The following CARD8 variants were observed in gnomAD, a reference collection of about 807,000 sequenced individuals.
CARD8 encodes the protein caspase recruitment domain-containing protein 8.
Under a neutral mutation model 53.2 loss-of-function variants are expected in CARD8, and 38 were observed. The ratio of observed to expected loss-of-function variants is 0.71; its 90% CI spans 0.55 to 0.94. The LOEUF (loss-of-function observed/expected upper bound fraction) is 0.94. Ranked by LOEUF, CARD8 falls within the 40% of genes least tolerant of loss-of-function variation. The pLI is 0.00. For missense variants in CARD8, 561 were observed against 655.5 expected, an observed-to-expected ratio of 0.86 and a Z score of 1.57; for synonymous variants, 245 against 244.9, an observed-to-expected ratio of 1.00 and a Z score of 0.00.
intron 1 of CARD8, among the ~76,000 whole-genome samples, chr19:48,254,906 T>C (rs2047405938): frequency 6.6e-6 from 1 of 152,200 alleles, no homozygotes; most frequent in Non-Finnish European, 1.5e-5. Flanking sequence ...CAACTGCTGG[T>C]CCAACCTAGG....
chr19:48,234,366 G>A, intron 6 of CARD8, 37 bp downstream of exon 6: 1 of 1,580,112 alleles, frequency 6.3e-7, no homozygotes, highest in Non-Finnish European at 8.6e-7. Flanking sequence ...TTGAGACACA[G>A]CGTCCAATAG....
At position 48,230,795 on chromosome 19, in the gene CARD8, G is replaced by T. The variant is rs764067338; in HGVS notation, c.754C>A (p.His252Asn). The change falls in exon 9 of 14, where the codon CAC (histidine) becomes AAC (asparagine). Residue 252 changes from histidine (H) to asparagine (N), a missense_variant. Transcript: ENST00000651546. ...EEAVAEIHLPHFISLQAGEVD... is the reference protein window; with the variant it reads ...EEAVAEIHLPNFISLQAGEVD... Reference sequence around the variant, plus strand: ...ACATTACCTTGGAGGGAGATGAAGTGGGGGAGGTGGATTTCGGCGACAGCC... The same window carrying T: ...ACATTACCTTGGAGGGAGATGAAGTTGGGGAGGTGGATTTCGGCGACAGCC... 57 of 1,613,866 alleles carry T rather than the reference G, an allele frequency of 3.5e-5. No homozygotes were observed. Among genetic ancestry groups the T allele is most frequent in the South Asian group, 2.6e-4 (24 of 91,064 alleles).
intron 10 of CARD8, 34 bp from the exon 11 acceptor site, chr19:48,221,889 C>T (rs776784381): frequency 2.6e-6 from 4 of 1,532,724 alleles, no homozygotes; most frequent in Non-Finnish European, 3.5e-6. Flanking sequence ...TTAGAGAGCA[C>T]AAAAAATAGT....
At chr19:48,252,559 A>G (rs567550577) in intron 1 of CARD8, among the ~76,000 whole-genome samples, 77 of 150,946 alleles carry the variant, frequency 5.1e-4, no homozygotes, top group African/African-American at 1.8e-3. Flanking sequence ...CAGTGGTGTG[A>G]TCTCAGCTCA....
At chr19:48,243,967 T>C (rs1343926930) in intron 3 of CARD8, among the ~76,000 whole-genome samples, 1 of 152,258 alleles carries the variant, frequency 6.6e-6, no homozygotes, top group East Asian at 1.9e-4. Flanking sequence ...AGTCTTCTTT[T>C]TTTCATGAGT....
rs936520527 is a variant in CARD8, at chr19:48,237,726, A to T, written c.209+657T>A. Among the ~76,000 whole-genome samples, 51 of 151,508 alleles carry T rather than the reference A, an allele frequency of 3.4e-4. 1 individual carries two copies. Among genetic ancestry groups the T allele is most frequent in the African/African-American group, 1.2e-3 (50 of 41,294 alleles). On this transcript the variant is annotated intron_variant, in intron 5 of 13. Transcript: ENST00000651546. Reference sequence around the variant, plus strand: ...GCAAAAGAATCGCTTGAACCCCAGAAGCAGAGGTTGTAGTGAGCCAAGATC... The same window carrying T: ...GCAAAAGAATCGCTTGAACCCCAGATGCAGAGGTTGTAGTGAGCCAAGATC...
At position 48,230,751 on chromosome 19, in the gene CARD8, C is replaced by A. The variant is rs563466972; in HGVS notation, c.772+26G>T. 3.6e-5 allele frequency: 58 copies of A among 1,612,958 alleles called. No individual in the cohort carries two copies. The East Asian group carries it at 1.1e-3, about 31-fold the overall frequency. ...AGACGGCACGCACCCCAGCGGCCCC[C>A]ACAGCCTCCGCTCACCCCACATTAC... On this transcript the variant is annotated intron_variant, in intron 9 of 13. Coordinates refer to ENST00000651546, the MANE Select transcript of CARD8 (RefSeq NM_001184900.3).
intron 13 of CARD8, among the ~76,000 whole-genome samples, chr19:48,212,320 A>G (rs553842924): frequency 6.6e-6 from 1 of 152,292 alleles, no homozygotes; most frequent in South Asian, 2.1e-4. Flanking sequence ...CGAAACACAA[A>G]TCTTCTAGTT....
At chr19:48,242,087 T>C (rs1360465875) in intron 3 of CARD8, among the ~76,000 whole-genome samples, 3 of 152,172 alleles carry the variant, frequency 2.0e-5, no homozygotes, top group Non-Finnish European at 4.4e-5. Context: ...TAGGAGTTGT[T>C]ATGGACCGAA....
intron 10 of CARD8, among the ~76,000 whole-genome samples, chr19:48,225,500 T>C (rs2041586337): frequency 6.6e-6 from 1 of 150,772 alleles, no homozygotes; most frequent in Admixed American, 6.6e-5. Flanking sequence ...CAAAAATAAA[T>C]AAATAAAGGG....
At chr19:48,230,132 C>T (rs998736588) in intron 10 of CARD8, among the ~76,000 whole-genome samples, 12 of 151,930 alleles carry the variant, frequency 7.9e-5, no homozygotes, top group African/African-American at 2.7e-4. Context: ...AAAAAAACAA[C>T]CTGGTGAAAA....
chr19:48,205,125 A>G (rs1253509904), downstream of CARD8, among the ~76,000 whole-genome samples: 4 of 152,178 alleles, frequency 2.6e-5, no homozygotes, highest in Admixed American at 2.6e-4. Context: ...GAAAAGTCGG[A>G]GTGTTGAAGC....
chr19:48,249,049 T>C (rs1372396123), intron 3 of CARD8, among the ~76,000 whole-genome samples: 1 of 151,908 alleles, frequency 6.6e-6, no homozygotes, highest in Non-Finnish European at 1.5e-5. Context: ...ATACAAAAAT[T>C]AGTCGTGCGT....
chr19:48,204,136 A>C, downstream of CARD8: 1 of 454,792 alleles, frequency 2.2e-6, no homozygotes, highest in Non-Finnish European at 4.4e-6. Flanking sequence ...CCGGGGCTGC[A>C]GTCTCTGGGT....
chr19:48,228,588 C>T (rs117643124), intron 10 of CARD8, among the ~76,000 whole-genome samples: 4 of 152,146 alleles, frequency 2.6e-5, no homozygotes, highest in East Asian at 3.9e-4. Context: ...ATGGAGACTT[C>T]GGGTACATGG....
Position 48,230,825 on chromosome 19 carries a change from C to G in CARD8, c.724G>C (p.Glu242Gln). The G allele has an allele frequency of 6.2e-7, 1 of 1,614,170 alleles. No individual in the cohort carries two copies. Among genetic ancestry groups the G allele is most frequent in the Non-Finnish European group, 8.5e-7 (1 of 1,180,042 alleles). The change falls in exon 9 of 14, where the codon GAG becomes CAG. Residue 242 changes from glutamate to glutamine, a missense_variant. Transcript: ENST00000651546. Reference sequence around the variant, plus strand: ...AGGTGGATTTCGGCGACAGCCTCCTCTGGCTCTGCAGTGACATCAAACAAG... The same window carrying G: ...AGGTGGATTTCGGCGACAGCCTCCTGTGGCTCTGCAGTGACATCAAACAAG... Reference protein sequence around the residue: ...GPLFDVTAEPEEAVAEIHLPH... With the variant: ...GPLFDVTAEPQEAVAEIHLPH...
intron 1 of CARD8, among the ~76,000 whole-genome samples, chr19:48,250,454 C>T (rs2046804486): frequency 6.6e-6 from 1 of 152,108 alleles, no homozygotes; most frequent in Admixed American, 6.6e-5. Context: ...AGGATAAGAC[C>T]CCCCCTCTTC....
chr19:48,245,746 A>T (rs1429925691), intron 3 of CARD8, among the ~76,000 whole-genome samples: 1 of 149,344 alleles, frequency 6.7e-6, no homozygotes, highest in Admixed American at 6.7e-5. Context: ...AGCTATATAT[A>T]ATTGTATTAT....
chr19:48,223,819 G>A (rs2041188372), intron 10 of CARD8: 1 of 456,004 alleles, frequency 2.2e-6, no homozygotes, highest in African/African-American at 2.0e-5. Flanking sequence ...TGGTTGTCAT[G>A]TTTTTGCCTC....
Sources: gnomAD v4.1 joint callset for allele counts (sites outside exome capture counted in the v4.1 genomes callset) on GRCh38, gnomAD v4.1.1 for gene constraint, MANE v1.5 for transcripts, NCBI Gene and HGNC (gene_info 2026-07-23, HGNC 2026-07-21) for gene names.